NT5C1B: variants seen among roughly 807,000 people sequenced by gnomAD.
The protein encoded by NT5C1B is 5'-nucleotidase, cytosolic IB, also known as cytosolic 5'-nucleotidase 1B.
Under a neutral mutation model 57.8 loss-of-function variants are expected in NT5C1B, and 44 were observed. That is an observed-to-expected ratio of 0.76 (90% CI 0.60 to 0.98). The LOEUF (loss-of-function observed/expected upper bound fraction) is 0.98. NT5C1B is among the 50% of genes least tolerant of loss of function. The pLI is 0.00. For synonymous variants in NT5C1B, 284 were observed against 282.6 expected, an observed-to-expected ratio of 1.00 and a Z score of -0.05; for missense variants, 742 against 719.5, an observed-to-expected ratio of 1.03 and a Z score of -0.36.
chr2:18,579,001 C>T (rs1284002509), intron 6 of NT5C1B, among the ~76,000 whole-genome samples: 1 of 152,118 alleles, frequency 6.6e-6, no homozygotes, highest in African/African-American at 2.4e-5. Flanking sequence ...CAACAATGTT[C>T]AAGCTAAAAG....
intron 1 of NT5C1B, among the ~76,000 whole-genome samples, chr2:18,588,913 G>T (rs1343213651): frequency 6.6e-6 from 1 of 152,148 alleles, no homozygotes; most frequent in Non-Finnish European, 1.5e-5. Context: ...CTAATACCAA[G>T]TGACTTGTAT....
At chr2:18,587,320 A>T (rs1666811290) in intron 2 of NT5C1B, 183 bp downstream of exon 2, 2 of 1,472,984 alleles carry the variant, frequency 1.4e-6, no homozygotes, top group African/African-American at 1.4e-5. Context: ...TAGGGTATGG[A>T]TGGAGGGGAA....
At chr2:18,565,584 A>G (rs1664574473) in intron 8 of NT5C1B, among the ~76,000 whole-genome samples, 1 of 152,118 alleles carries the variant, frequency 6.6e-6, no homozygotes. Context: ...CACCTCTTCC[A>G]TCACTTACAT....
chr2:18,587,291 A>C, intron 2 of NT5C1B: 3 of 1,483,284 alleles, frequency 2.0e-6, no homozygotes, highest in Admixed American at 2.2e-5. Context: ...CTGTGGTTCC[A>C]CACATTCGAA....
chr2:18,585,414 G>A (rs1010061631), intron 3 of NT5C1B, among the ~76,000 whole-genome samples: 1 of 152,114 alleles, frequency 6.6e-6, no homozygotes, highest in Non-Finnish European at 1.5e-5. Context: ...AACTCCATGA[G>A]CAAAGTGGGC....
At chr2:18,563,429 G>T (rs1163206713) in exon 9 of NT5C1B, 1 of 164,240 alleles carries the variant, frequency 6.1e-6, no homozygotes, top group African/African-American at 2.4e-5. Context: ...AATGCTGATG[G>T]GTAACAATTC....
At chr2:18,567,067 A>T (rs1225344718) in intron 8 of NT5C1B, among the ~76,000 whole-genome samples, 4 of 152,310 alleles carry the variant, frequency 2.6e-5, no homozygotes, top group Non-Finnish European at 5.9e-5. Context: ...TAGAAGCCCT[A>T]GGATCCACAG....
chr2:18,583,101 A>G, intron 5 of NT5C1B, 104 bp from the exon 6 acceptor site: 1 of 1,427,152 alleles, frequency 7.0e-7, no homozygotes, highest in Non-Finnish European at 9.3e-7. Flanking sequence ...AGCTCTGAAG[A>G]ATCTTCACTG....
rs776605309 is a variant in NT5C1B at position 18,584,971 on chromosome 2, C to T, written c.266G>A (p.Ser89Asn). The T allele has an allele frequency of 2.6e-6, 4 of 1,549,462 alleles. No homozygotes were observed. In the Admixed American group the frequency reaches 5.5e-5, roughly 21 times the overall value. ...TGGAGTCCGGGAGCTCGTGGAGCTG[C>T]TGGGGAGCTGCAGCAAGACAATGGG... The change falls in exon 4 of 9, where the codon AGC becomes AAC. Residue 89 changes from serine (S) to asparagine (N), a missense_variant. Coordinates refer to ENST00000304081, the Ensembl canonical transcript of NT5C1B. The surrounding 1 kb of genome is among the most constrained non-coding windows in gnomAD (Gnocchi z 5.8).
At chr2:18,572,558 G>A (rs776349649) in intron 8 of NT5C1B, among the ~76,000 whole-genome samples, 1 of 152,086 alleles carries the variant, frequency 6.6e-6, no homozygotes, top group Non-Finnish European at 1.5e-5. Context: ...CCTGATAAAG[G>A]ATGAGTATCC....
chr2:18,586,775 T>C, intron 2 of NT5C1B: 1 of 762,812 alleles, frequency 1.3e-6, no homozygotes, highest in South Asian at 1.9e-5. Flanking sequence ...TTTACCAGAC[T>C]GTAAAGGTGA....
chr2:18,584,103 C>T lies in NT5C1B; in HGVS notation c.876G>A (p.Ala292=), dbSNP rs145994780. Residue 292 remains alanine (A), a synonymous_variant, in exon 5 of 9, where the codon GCG becomes GCA. Transcript: ENST00000304081. This position sits in a 1 kb window ranked among gnomAD's most constrained non-coding sequence, Gnocchi z 5.8. ...TGCAGAATACCTTGACGAAGCGGAACGCCGGGCCCGGGGTCAGGATGACGT... is the reference window on the plus strand; with the variant it reads ...TGCAGAATACCTTGACGAAGCGGAATGCCGGGCCCGGGGTCAGGATGACGT... 508 of 1,614,166 alleles carry T rather than the reference C, an allele frequency of 3.1e-4. No homozygotes were observed. The African/African-American group carries it at 5.6e-3, about 18-fold the overall frequency.
intron 8 of NT5C1B, among the ~76,000 whole-genome samples, chr2:18,565,660 A>C (rs1032599220): frequency 1.3e-5 from 2 of 152,192 alleles, no homozygotes; most frequent in African/African-American, 4.8e-5. Context: ...GCCATGTCTC[A>C]GTGATGGTCA....
intron 8 of NT5C1B, among the ~76,000 whole-genome samples, chr2:18,566,404 G>T (rs1018231673): frequency 4.6e-5 from 7 of 152,122 alleles, no homozygotes; most frequent in African/African-American, 1.7e-4. Flanking sequence ...CTTTAAGGTT[G>T]TATATCTTAG....
At chr2:18,566,273 T>G (rs1396149330) in intron 8 of NT5C1B, among the ~76,000 whole-genome samples, 1 of 152,160 alleles carries the variant, frequency 6.6e-6, no homozygotes, top group Non-Finnish European at 1.5e-5. Flanking sequence ...TAGGGGAAGG[T>G]CAAGGGTAGT....
exon 7 of NT5C1B, chr2:18,576,836 C>T: frequency 6.2e-7 from 1 of 1,613,880 alleles, no homozygotes; most frequent in Non-Finnish European, 8.5e-7. Flanking sequence ...GTAAGATATG[C>T]CTTCAAATAG....
chr2:18,570,718 A>G (rs1665073197), intron 8 of NT5C1B, among the ~76,000 whole-genome samples: 1 of 152,154 alleles, frequency 6.6e-6, no homozygotes, highest in Non-Finnish European at 1.5e-5. Context: ...CTGTTACTAA[A>G]GTCAGATTAA....
At chr2:18,586,551 A>G (rs1197662997) in intron 2 of NT5C1B, 160 bp from the exon 3 acceptor site, 3 of 1,123,284 alleles carry the variant, frequency 2.7e-6, no homozygotes, top group Admixed American at 5.8e-5. Flanking sequence ...CTTCTGTACT[A>G]TTCTAACTCT....
intron 8 of NT5C1B, among the ~76,000 whole-genome samples, chr2:18,574,985 G>T (rs554445620): frequency 6.6e-6 from 1 of 151,644 alleles, no homozygotes; most frequent in South Asian, 2.1e-4. Flanking sequence ...CAATAAAGCT[G>T]AAAAAAAGAA....
Sources: allele counts gnomAD v4.1 joint callset (sites outside exome capture counted in the v4.1 genomes callset), GRCh38; gene constraint gnomAD v4.1.1; non-coding constraint Gnocchi (gnomAD v3.1); transcripts MANE v1.5; gene names NCBI Gene and HGNC (gene_info 2026-07-23, HGNC 2026-07-21).